Variants in SLC1A2 observed in about 807,000 individuals in gnomAD.
SLC1A2 encodes excitatory amino acid transporter 2.
Under a neutral mutation model 48.8 loss-of-function variants are expected in SLC1A2, and 15 were observed. That is an observed-to-expected ratio of 0.31 (90% confidence interval 0.21 to 0.47). The LOEUF is 0.47. SLC1A2 is among the 20% of genes least tolerant of loss of function. The probability of loss-of-function intolerance (pLI) is 0.99; values close to 1 mark genes in which losing one functional copy is unlikely to be tolerated. For missense variants in SLC1A2, 502 were observed against 730.5 expected, an observed-to-expected ratio of 0.69 and a Z score of 3.61; for synonymous variants, 279 against 272.6, an observed-to-expected ratio of 1.02 and a Z score of -0.23.
At chr11:35,395,670 T>C (rs1001680707) in intron 1 of SLC1A2, among the ~76,000 whole-genome samples, 15 of 145,896 alleles carry the variant, frequency 1.0e-4, no homozygotes, top group Middle Eastern at 3.2e-3. Flanking sequence ...CCTCCAAACT[T>C]CTTTTTTTTT....
chr11:35,365,135 T>A (rs1853799415), intron 1 of SLC1A2, among the ~76,000 whole-genome samples: 1 of 152,180 alleles, frequency 6.6e-6, no homozygotes, highest in South Asian at 2.1e-4. Flanking sequence ...GGGACAAACA[T>A]CAAAGTGGAT....
chr11:35,415,647 A>G (rs984204271), intron 1 of SLC1A2, among the ~76,000 whole-genome samples: 2 of 152,346 alleles, frequency 1.3e-5, no homozygotes, highest in South Asian at 2.1e-4. Flanking sequence ...TTTGCTTGAA[A>G]TAATAAATTC....
chr11:35,317,440 G>T lies in SLC1A2; in HGVS notation c.94C>A (p.His32Asn), dbSNP rs375325526. The change falls in exon 2 of 11, where the codon CAC (histidine) becomes AAC (asparagine). Residue 32 changes from histidine to asparagine, a missense_variant. His to Asn is a moderately conservative substitution (Grantham distance 68, BLOSUM62 1). Coordinates refer to ENST00000278379, the MANE Select transcript of SLC1A2 (RefSeq NM_004171.4). Reference protein sequence around the residue: ...HLGSEEPKHRHLGLRLCDKLG... With the variant: ...HLGSEEPKHRNLGLRLCDKLG... The stretch of plus-strand genomic sequence containing the variant: ...TTGTCACACAGGCGCAGGCCCAGGT[G>T]CCGGTGCTTGGGTTCCTCTGAGCCA... 6.2e-7 allele frequency: 1 copy of T among 1,614,192 alleles called. No individual in the cohort carries two copies. The highest frequency in any genetic ancestry group is 1.1e-5 in the South Asian group (1 of 91,088).
Position 35,419,237 on chromosome 11 carries a change from G to A in SLC1A2, c.-271C>T, listed in dbSNP as rs1479834921. On this transcript the variant is annotated 5_prime_UTR_variant, in exon 1 of 11. Coordinates refer to ENST00000278379, the MANE Select transcript of SLC1A2 (RefSeq NM_004171.4). The surrounding 1 kb of genome is among the most constrained non-coding windows in gnomAD (Gnocchi z 5.4). ...ATGGCGCTTGGCGGGGAGCTCCGGG[G>A]GCTCCGAGGGTGGCTTCCCCGAGAG... 3 of 413,486 alleles carry A rather than the reference G, an allele frequency of 7.3e-6. No individual in the cohort carries two copies. In the Admixed American group the frequency reaches 1.3e-4, roughly 18 times the overall value. The allele number at this position is 413,486 out of a possible 1,614,324, so 25.6% of individuals were successfully genotyped here. A position where few individuals can be genotyped will look rare whatever the true frequency, so the allele number is the denominator to read the frequency against.
At chr11:35,377,320 G>A (rs559462568) in intron 1 of SLC1A2, among the ~76,000 whole-genome samples, 1 of 152,160 alleles carries the variant, frequency 6.6e-6, no homozygotes, top group Non-Finnish European at 1.5e-5. Flanking sequence ...AAACTTTCTT[G>A]TTTCAACCAA....
At chr11:35,326,036 A>C (rs1333613042) in intron 1 of SLC1A2, among the ~76,000 whole-genome samples, 1 of 151,294 alleles carries the variant, frequency 6.6e-6, no homozygotes, top group Admixed American at 6.6e-5. Flanking sequence ...AACGGGCAGC[A>C]TCACAGCAGG....
At chr11:35,317,148 G>T (rs1342722593) in intron 2 of SLC1A2, 1 of 508,026 alleles carries the variant, frequency 2.0e-6, no homozygotes, top group East Asian at 3.0e-5. Flanking sequence ...ACTCTCACAA[G>T]ATATTTATTT....
intron 7 of SLC1A2, among the ~76,000 whole-genome samples, chr11:35,288,753 C>T (rs1233776832): frequency 6.6e-6 from 1 of 151,624 alleles, no homozygotes; most frequent in East Asian, 1.9e-4. Context: ...TCTTAAAAAA[C>T]CCACCCACCC....
intron 1 of SLC1A2, chr11:35,399,512 T>C (rs1269362042): frequency 1.9e-6 from 1 of 515,474 alleles, no homozygotes; most frequent in Non-Finnish European, 2.5e-6. Flanking sequence ...GAGGTAGAGC[T>C]AGGAGAAGGA....
chr11:35,354,774 C>T (rs1853395635), intron 1 of SLC1A2, among the ~76,000 whole-genome samples: 1 of 152,168 alleles, frequency 6.6e-6, no homozygotes, highest in Non-Finnish European at 1.5e-5. Context: ...CCCTGTCACC[C>T]AAGAACACAT....
intron 1 of SLC1A2, among the ~76,000 whole-genome samples, chr11:35,327,549 G>T (rs1028432331): frequency 2.0e-5 from 3 of 152,136 alleles, no homozygotes; most frequent in Non-Finnish European, 2.9e-5. Flanking sequence ...TAACAGCAAA[G>T]AACTCTCATA....
intron 1 of SLC1A2, among the ~76,000 whole-genome samples, chr11:35,328,609 A>T (rs1852323272): frequency 6.6e-6 from 1 of 151,948 alleles, no homozygotes; most frequent in Non-Finnish European, 1.5e-5. Context: ...TGGTCAGCCC[A>T]CTCTCCCTCC....
intron 1 of SLC1A2, chr11:35,418,600 C>T (rs938193545): frequency 3.9e-5 from 9 of 229,818 alleles, no homozygotes; most frequent in Admixed American, 2.9e-4. Context: ...GCGCTCCAGG[C>T]GCTGCTACCC....
chr11:35,374,576 G>T, intron 1 of SLC1A2: 1 of 171,356 alleles, frequency 5.8e-6, no homozygotes, highest in Non-Finnish European at 1.3e-5. Flanking sequence ...TAGCTGATGA[G>T]CTAAAAAGAA....
intron 6 of SLC1A2, chr11:35,299,601 G>T (rs1395364465): frequency 6.6e-6 from 1 of 152,102 alleles, no homozygotes; most frequent in Non-Finnish European, 1.5e-5. Context: ...ATGAAATAGT[G>T]AGGAGCATCT....
chr11:35,296,792 A>T (rs1851186882), intron 6 of SLC1A2, among the ~76,000 whole-genome samples: 1 of 152,164 alleles, frequency 6.6e-6, no homozygotes, highest in Non-Finnish European at 1.5e-5. Context: ...AGACAGCACC[A>T]CGTGGGCCAT....
At chr11:35,314,444 G>GT (rs1236831455) in intron 3 of SLC1A2, among the ~76,000 whole-genome samples, 1 of 152,242 alleles carries the variant, frequency 6.6e-6, no homozygotes, top group African/African-American at 2.4e-5. Flanking sequence ...GCCAGGTGCA[G>GT]TGGCTCATGC....
At position 35,345,192 on chromosome 11, in the gene SLC1A2, G is replaced by T. The variant is rs114931578; in HGVS notation, c.18-27676C>A. ...CATATGCCGCCAAAGGACTCGCAGT[G>T]CTAAGACCATCACACCTCATAACTC... On this transcript the variant is annotated intron_variant, in intron 1 of 10. Coordinates refer to ENST00000278379, the MANE Select transcript of SLC1A2 (RefSeq NM_004171.4). Among the ~76,000 whole-genome samples the T allele has an allele frequency of 6.3e-3, 963 of 152,256 alleles. 10 individuals are homozygous for T. The highest frequency in any genetic ancestry group is 0.022 in the African/African-American group (909 of 41,540).
rs1330838329 is a variant in SLC1A2, at chr11:35,256,112, G to A, written c.*4782C>T. 6.6e-6 allele frequency: 1 copy of A among 152,206 alleles called. No individual in the cohort carries two copies. The highest frequency in any genetic ancestry group is 1.5e-5 in the Non-Finnish European group (1 of 68,040). 9.4% of individuals were successfully genotyped at this position (152,206 alleles called of 1,614,324 possible). A position where few individuals can be genotyped will look rare whatever the true frequency, so the allele number is the denominator to read the frequency against. On this transcript the variant is annotated 3_prime_UTR_variant, in exon 11 of 11. Coordinates refer to ENST00000278379, the MANE Select transcript of SLC1A2 (RefSeq NM_004171.4). Reference sequence around the variant, plus strand: ...CTTCACTTTTCATATGGGAGAAAATGAGGCTTGGACACAAAATGACTTATG... The same window carrying A: ...CTTCACTTTTCATATGGGAGAAAATAAGGCTTGGACACAAAATGACTTATG...
Sources: gnomAD v4.1 joint callset for allele counts (sites outside exome capture counted in the v4.1 genomes callset) on GRCh38, gnomAD v4.1.1 for gene constraint, Gnocchi (gnomAD v3.1) non-coding constraint, MANE v1.5 for transcripts, NCBI Gene and HGNC (gene_info 2026-07-23, HGNC 2026-07-21) for gene names.